The following TRMT11 variants were observed in gnomAD, a reference collection of about 807,000 sequenced individuals.
TRMT11 encodes the protein tRNA methyltransferase 11, also known as tRNA (guanine(10)-N(2))-methyltransferase TRMT11.
TRMT11 carries 53 observed loss-of-function variants against 62.8 expected under a neutral mutation model. The ratio of observed to expected loss-of-function variants is 0.84; its 90% CI spans 0.68 to 1.06. The LOEUF (loss-of-function observed/expected upper bound fraction) is 1.06. TRMT11 is among the 50% of genes least tolerant of loss of function. The pLI, the probability that TRMT11 is intolerant of heterozygous loss-of-function variation, is 0.00. For missense variants in TRMT11, 556 were observed against 553.4 expected, an observed-to-expected ratio of 1.00 and a Z score of -0.05; for synonymous variants, 188 against 190.3, an observed-to-expected ratio of 0.99 and a Z score of 0.10.
intron 12 of TRMT11, among the ~76,000 whole-genome samples, chr6:126,034,299 T>TA (rs1774764658): frequency 6.6e-6 from 1 of 152,168 alleles, no homozygotes; most frequent in Non-Finnish European, 1.5e-5. Context: ...TGCAAAAAGA[T>TA]ACGGAAAATT....
At position 126,092,622 on chromosome 6, in the gene TRMT11, C is replaced by G. The variant is rs6916356; in HGVS notation, c.*1438-20244C>G. Among the ~76,000 whole-genome samples the G allele has an allele frequency of 1.6e-3, 248 of 152,164 alleles. 1 individual carries two copies. The highest frequency in any genetic ancestry group is 5.8e-3 in the African/African-American group (241 of 41,488). ...TGGTTTTCTAACTTTGTTAGATAGACGAACTAGAGAACACAATGAATACAA... is the reference window on the plus strand; with the variant it reads ...TGGTTTTCTAACTTTGTTAGATAGAGGAACTAGAGAACACAATGAATACAA... On this transcript the variant is annotated intron_variant and NMD_transcript_variant, in intron 17 of 22. Coordinates refer to the TRMT11 transcript ENST00000648977.
chr6:125,998,355 T>C (rs777931999), intron 5 of TRMT11, 40 bp downstream of exon 5: 1 of 1,385,188 alleles, frequency 7.2e-7, no homozygotes, highest in Non-Finnish European at 1.0e-6. Context: ...ACATGATGAA[T>C]GCAGTCTGGC....
intron 12 of TRMT11, among the ~76,000 whole-genome samples, chr6:126,024,133 A>G (rs1796210641): frequency 5.3e-5 from 8 of 152,236 alleles, no homozygotes; most frequent in Admixed American, 5.2e-4. Flanking sequence ...TTGTTTTTTA[A>G]GTTAAAATAA....
At chr6:126,188,232 C>G (rs1350798672) in intron 1 of TRMT11, among the ~76,000 whole-genome samples, 2 of 151,878 alleles carry the variant, frequency 1.3e-5, no homozygotes, top group Non-Finnish European at 2.9e-5. Flanking sequence ...ATTCACGATG[C>G]TTATATTTGA....
At chr6:126,019,663 G>A (rs941718280) in intron 11 of TRMT11, among the ~76,000 whole-genome samples, 1 of 152,124 alleles carries the variant, frequency 6.6e-6, no homozygotes, top group Non-Finnish European at 1.5e-5. Context: ...TTAAGGTTAA[G>A]GCTATATCTT....
intron 3 of TRMT11, among the ~76,000 whole-genome samples, chr6:126,200,136 G>A (rs1324245281): frequency 6.6e-6 from 1 of 152,200 alleles, no homozygotes; most frequent in African/African-American, 2.4e-5. Flanking sequence ...TTCTGAAGGT[G>A]CTAGATTCAG....
At chr6:125,990,924 AG>A (rs1790512738) in intron 1 of TRMT11, among the ~76,000 whole-genome samples, 1 of 152,110 alleles carries the variant, frequency 6.6e-6, no homozygotes, top group African/African-American at 2.4e-5. Context: ...TACATAGATC[AG>A]GGACTTGCAC....
At chr6:126,034,418 A>G (rs1562294130) in intron 12 of TRMT11, among the ~76,000 whole-genome samples, 1 of 152,198 alleles carries the variant, frequency 6.6e-6, no homozygotes, top group African/African-American at 2.4e-5. Flanking sequence ...TCTTAAAAGG[A>G]TAAATGATAG....
rs1562261057 is a variant in TRMT11, at chr6:126,011,332, G to GA, written c.842dup (p.Tyr282ValfsTer4). The stretch of plus-strand genomic sequence containing the variant: ...CCAATCTTCGTCAATATGGTTTAGA[G>GA]AAGTATTACCTTGATGTCCTGGTTT... On this transcript the variant is annotated frameshift_variant, in exon 9 of 13. Transcript: ENST00000334379. LOFTEE classifies it high-confidence loss of function. 1.2e-6 allele frequency: 2 copies of GA among 1,613,434 alleles called. No homozygotes were observed. The highest frequency in any genetic ancestry group is 3.3e-5 in the Admixed American group (2 of 59,956).
chr6:126,145,231 A>T (rs1777960666), intron 21 of TRMT11, among the ~76,000 whole-genome samples: 1 of 152,230 alleles, frequency 6.6e-6, no homozygotes, highest in South Asian at 2.1e-4. Flanking sequence ...CACTACACTT[A>T]CATTAAGTGT....
In TRMT11 at chr6:125,996,003, A is replaced by G. The variant is rs1452108392; in HGVS notation, c.175A>G (p.Ile59Val). 1 of 1,612,276 alleles carries G rather than the reference A, an allele frequency of 6.2e-7. No individual in the cohort carries two copies. The highest frequency in any genetic ancestry group is 8.5e-7 in the Non-Finnish European group (1 of 1,178,470). Reference protein sequence around the residue: ...FWILSIPSEDIARNLMKRTVC... With the variant: ...FWILSIPSEDVARNLMKRTVC... ...GATTCTTAGCATTCCCTCTGAAGAT[A>G]TTGCAAGAAATTTGATGAAACGGAC... The change falls in exon 3 of 13, where the codon ATT becomes GTT. Residue 59 changes from isoleucine (I) to valine (V), a missense_variant. Ile to Val is a conservative substitution (Grantham distance 29, BLOSUM62 3). Coordinates refer to ENST00000334379, the MANE Select transcript of TRMT11 (RefSeq NM_001031712.3).
intron 21 of TRMT11, among the ~76,000 whole-genome samples, chr6:126,149,764 AG>A (rs1204908474): frequency 2.0e-5 from 3 of 152,218 alleles, no homozygotes; most frequent in African/African-American, 7.2e-5. Flanking sequence ...TTTGTTGGGC[AG>A]GGATCAGCAG....
the TRMT11 span, among the ~76,000 whole-genome samples, chr6:126,232,097 T>C: frequency 6.6e-6 from 1 of 152,146 alleles, no homozygotes; most frequent in African/African-American, 2.4e-5. Context: ...TGAAAAATGT[T>C]GGAGGCTTTA....
intron 3 of TRMT11, chr6:126,201,951 G>C (rs908225076): frequency 1.3e-5 from 2 of 152,098 alleles, no homozygotes; most frequent in African/African-American, 4.8e-5. Context: ...AATTATGACT[G>C]CTTCACGTTC....
chr6:126,256,257 C>T, the TRMT11 span, among the ~76,000 whole-genome samples: 2 of 152,132 alleles, frequency 1.3e-5, no homozygotes, highest in African/African-American at 2.4e-5. Context: ...TATGACTTAA[C>T]TTTGGAAGTC....
chr6:126,028,594 T>G (rs191966087), intron 12 of TRMT11, among the ~76,000 whole-genome samples: 1 of 152,282 alleles, frequency 6.6e-6, no homozygotes, highest in East Asian at 1.9e-4. Context: ...TCCAAATGAA[T>G]TTTCTTTTGC....
chr6:126,075,721 G>T (rs185633833), intron 17 of TRMT11, among the ~76,000 whole-genome samples: 6 of 152,152 alleles, frequency 3.9e-5, no homozygotes, highest in African/African-American at 1.4e-4. Context: ...TGTAGTGAAG[G>T]TAATTACCTC....
At chr6:125,990,411 G>A (rs1019946376) in intron 1 of TRMT11, among the ~76,000 whole-genome samples, 1 of 152,112 alleles carries the variant, frequency 6.6e-6, no homozygotes, top group Non-Finnish European at 1.5e-5. Flanking sequence ...TGTAAATTAG[G>A]TGGTTCATCA....
intron 12 of TRMT11, among the ~76,000 whole-genome samples, chr6:126,035,345 C>T (rs927337132): frequency 1.3e-5 from 2 of 152,060 alleles, no homozygotes; most frequent in African/African-American, 2.4e-5. Context: ...AATAGACTGG[C>T]GCCTGCCAGA....
Sources: allele counts gnomAD v4.1 joint callset (sites outside exome capture counted in the v4.1 genomes callset), GRCh38; gene constraint gnomAD v4.1.1; transcripts MANE v1.5; gene names NCBI Gene and HGNC (gene_info 2026-07-23, HGNC 2026-07-21).